Variants in SCAP observed in about 807,000 individuals in gnomAD.
SCAP encodes sterol regulatory element-binding protein cleavage-activating protein.
Under a neutral mutation model 123.6 loss-of-function variants are expected in SCAP, and 65 were observed. The observed-to-expected ratio is 0.53, with a 90% CI of 0.43 to 0.65. SCAP has a LOEUF of 0.65. Ranked by LOEUF, SCAP falls within the 30% of genes least tolerant of loss-of-function variation. The pLI is 0.00. For synonymous variants in SCAP, 740 were observed against 726.3 expected (o/e 1.02, Z -0.30); for missense variants, 1,398 against 1,712.5 (o/e 0.82, Z 3.24).
chr3:47,420,829 G>A lies in SCAP; in HGVS notation c.1345-57C>T. 1 of 1,532,172 alleles carries A rather than the reference G, an allele frequency of 6.5e-7. No individual in the cohort carries two copies. Among genetic ancestry groups the A allele is most frequent in the Non-Finnish European group, 8.8e-7 (1 of 1,130,130 alleles). 94.9% of individuals were successfully genotyped at this position (1,532,172 alleles called of 1,614,324 possible). ...CCACCATCCAGAGGCTGCTCGCACA[G>A]GACCGCTGTCCTGCCCGAGGTCTAC... On this transcript the variant is annotated intron_variant, in intron 11 of 22. Transcript: ENST00000265565. This position sits in a 1 kb window ranked among gnomAD's most constrained non-coding sequence, Gnocchi z 5.0.
In SCAP at chr3:47,421,168, G is replaced by T. The variant is rs563157813; in HGVS notation, c.1246-139C>A. 10 of 702,708 alleles carry T rather than the reference G, an allele frequency of 1.4e-5. No homozygotes were observed. The East Asian group carries it at 2.1e-4, about 15-fold the overall frequency. The allele number at this position is 702,708 out of a possible 1,614,324, so 43.5% of individuals were successfully genotyped here. ...GGCACAGCAGAGATGAGAGATGCTGGTTGGTCCTCAGCTCACATACCAGCA... is the reference window on the plus strand; with the variant it reads ...GGCACAGCAGAGATGAGAGATGCTGTTTGGTCCTCAGCTCACATACCAGCA... On this transcript the variant is annotated intron_variant, in intron 10 of 22. Coordinates refer to ENST00000265565, the MANE Select transcript of SCAP (RefSeq NM_012235.4).
Position 47,441,369 on chromosome 3 carries a change from G to A in SCAP, c.122+1503C>T, listed in dbSNP as rs553085256. On this transcript the variant is annotated intron_variant, in intron 2 of 22. Transcript: ENST00000265565. ...TGTGGTTGTGGCTTCTTAGGAGGCT[G>A]AGATGGGAGGGTCGCTTGAGCCTAG... Among the ~76,000 whole-genome samples, 3 of 152,168 alleles carry A rather than the reference G, an allele frequency of 2.0e-5. No homozygotes were observed. In the South Asian group the frequency reaches 6.2e-4, roughly 31 times the overall value.
At chr3:47,430,186 A>G (rs1432688760) in intron 3 of SCAP, among the ~76,000 whole-genome samples, 1 of 152,220 alleles carries the variant, frequency 6.6e-6, no homozygotes, top group Non-Finnish European at 1.5e-5. Context: ...CCTGATGAGA[A>G]GCAAGGAGAG....
intron 1 of SCAP, among the ~76,000 whole-genome samples, chr3:47,446,610 T>C (rs959491121): frequency 9.2e-5 from 14 of 152,158 alleles, no homozygotes; most frequent in Admixed American, 5.2e-4. Flanking sequence ...TTTTCCCCAA[T>C]GTCTTCTCCT....
chr3:47,420,483 T>C lies in SCAP; in HGVS notation c.1563+71A>G. ...TACCCTTTGCCACTCTAAGGCCAAG[T>C]GCAGCACCACAAGGGGCCTGGAGCA... On this transcript the variant is annotated intron_variant, in intron 12 of 22. Coordinates refer to ENST00000265565, the MANE Select transcript of SCAP (RefSeq NM_012235.4). This position sits in a 1 kb window ranked among gnomAD's most constrained non-coding sequence, Gnocchi z 5.0. The C allele has an allele frequency of 7.3e-7, 1 of 1,378,738 alleles. No individual in the cohort carries two copies. The highest frequency in any genetic ancestry group is 9.8e-7 in the Non-Finnish European group (1 of 1,019,256). The allele number at this position is 1,378,738 out of a possible 1,614,324, so 85.4% of individuals were successfully genotyped here. A position where few individuals can be genotyped will look rare whatever the true frequency, so the allele number is the denominator to read the frequency against.
chr3:47,425,633 T>C, intron 7 of SCAP, 22 bp from the exon 8 acceptor site: 1 of 1,612,994 alleles, frequency 6.2e-7, no homozygotes, highest in East Asian at 2.2e-5. Flanking sequence ...AGAGGGCGTA[T>C]CAGGGCGGCC....
chr3:47,456,957 C>T (rs1044259027), intron 1 of SCAP, among the ~76,000 whole-genome samples: 2 of 151,988 alleles, frequency 1.3e-5, no homozygotes, highest in African/African-American at 2.4e-5. Context: ...GAGGCTGAGG[C>T]GGGTGGATCA....
chr3:47,457,474 A>G (rs1707471004), intron 1 of SCAP, among the ~76,000 whole-genome samples: 1 of 152,184 alleles, frequency 6.6e-6, no homozygotes, highest in East Asian at 1.9e-4. Context: ...TAGAGCACCC[A>G]GCACCTCACC....
At chr3:47,471,811 A>G (rs918786466) in intron 1 of SCAP, among the ~76,000 whole-genome samples, 11 of 152,200 alleles carry the variant, frequency 7.2e-5, no homozygotes, top group Non-Finnish European at 1.6e-4. Context: ...TATAAATTAT[A>G]TATGTACTAC....
intron 3 of SCAP, among the ~76,000 whole-genome samples, chr3:47,431,902 T>C (rs751575082): frequency 3.9e-5 from 6 of 152,228 alleles, no homozygotes; most frequent in African/African-American, 7.2e-5. Flanking sequence ...CCAGGAGATT[T>C]GTCTATTGTC....
At chr3:47,427,764 C>CAT (rs1706201639) in intron 4 of SCAP, 97 bp from the exon 5 acceptor site, 1 of 1,069,282 alleles carries the variant, frequency 9.4e-7, no homozygotes, top group Non-Finnish European at 1.3e-6. Context: ...TTCAATGCCC[C>CAT]ATATTTGCTC....
chr3:47,448,121 T>C (rs1407800531), intron 1 of SCAP, among the ~76,000 whole-genome samples: 2 of 151,682 alleles, frequency 1.3e-5, no homozygotes, highest in African/African-American at 4.8e-5. Context: ...TCCATGAACA[T>C]GGTATATTTT....
chr3:47,446,473 C>A (rs1457834140), intron 1 of SCAP, among the ~76,000 whole-genome samples: 9 of 151,710 alleles, frequency 5.9e-5, no homozygotes, highest in African/African-American at 1.5e-4. Context: ...GCCTGGCCCC[C>A]CTCAATTCTT....
chr3:47,418,540 C>T lies in SCAP; in HGVS notation c.2130-18G>A. On this transcript the variant is annotated intron_variant, in intron 14 of 22. Transcript: ENST00000265565. The stretch of plus-strand genomic sequence containing the variant: ...CCGCCACCCTGCACGGGAGGGCGGA[C>T]TGCTGTGAGACACACCTCACAGCCT... 3 of 1,575,676 alleles carry T rather than the reference C, an allele frequency of 1.9e-6. No homozygotes were observed. Among genetic ancestry groups the T allele is most frequent in the Non-Finnish European group, 2.6e-6 (3 of 1,161,314 alleles).
intron 3 of SCAP, among the ~76,000 whole-genome samples, chr3:47,434,550 A>G (rs1037751853): frequency 6.6e-6 from 1 of 152,222 alleles, no homozygotes; most frequent in Non-Finnish European, 1.5e-5. Context: ...TCCAAACTAA[A>G]TAACTGGCCA....
intron 9 of SCAP, 192 bp from the exon 10 acceptor site, chr3:47,422,728 A>C: frequency 1.9e-6 from 1 of 514,254 alleles, no homozygotes. Flanking sequence ...TCACCACCAC[A>C]CAGCTGCTAC....
chr3:47,466,415 AC>A (rs776519890), intron 1 of SCAP, among the ~76,000 whole-genome samples: 67 of 152,160 alleles, frequency 4.4e-4, no homozygotes, highest in Admixed American at 7.2e-4. Context: ...TCATTCTTGA[AC>A]CTTGTTATGA....
chr3:47,419,500 T>C lies in SCAP; in HGVS notation c.1768A>G (p.Asn590Asp). 6.2e-7 allele frequency: 1 copy of C among 1,613,944 alleles called. No individual in the cohort carries two copies. The highest frequency in any genetic ancestry group is 8.5e-7 in the Non-Finnish European group (1 of 1,179,986). The part of the protein sequence containing the change: ...FPPDAPKLPE[N>D]QTSPGESPER... ...GGTGACTCGCCTGGCGACGTCTGGT[T>C]CTCAGGTAGCTTAGGGGCATCAGGT... Residue 590 changes from asparagine to aspartate, a missense_variant, in exon 13 of 23, where the codon AAC becomes GAC. Coordinates refer to ENST00000265565, the MANE Select transcript of SCAP (RefSeq NM_012235.4). This position sits in a 1 kb window ranked among gnomAD's most constrained non-coding sequence, Gnocchi z 5.0.
At position 47,422,438 on chromosome 3, in the gene SCAP, T is replaced by G; in HGVS notation, c.1245+4A>C. 1 of 1,612,794 alleles carries G rather than the reference T, an allele frequency of 6.2e-7. No homozygotes were observed. The highest frequency in any genetic ancestry group is 8.5e-7 in the Non-Finnish European group (1 of 1,179,290). On this transcript the variant is annotated splice_donor_region_variant and intron_variant, in intron 10 of 22. Transcript: ENST00000265565. The stretch of plus-strand genomic sequence containing the variant: ...CATCCAGGTGGCAGGCCTTGGGGCC[T>G]TACCTGGATGGCGGGCACTAGGGTG...
Sources: gnomAD v4.1 joint callset for allele counts (sites outside exome capture counted in the v4.1 genomes callset) on GRCh38, gnomAD v4.1.1 for gene constraint, Gnocchi (gnomAD v3.1) non-coding constraint, MANE v1.5 for transcripts, NCBI Gene and HGNC (gene_info 2026-07-23, HGNC 2026-07-21) for gene names.